UPK2: variants seen among roughly 807,000 people sequenced by gnomAD.
UPK2 encodes the protein uroplakin-2.
Under a neutral mutation model 14.8 loss-of-function variants are expected in UPK2, and 19 were observed. The observed-to-expected ratio is 1.29, with a 90% confidence interval of 0.90 to 1.89. The LOEUF (loss-of-function observed/expected upper bound fraction) is 1.89. UPK2 is among the 40% of genes most tolerant of loss of function. The pLI, the probability that UPK2 is intolerant of heterozygous loss-of-function variation, is 0.00. For synonymous variants in UPK2, 102 were observed against 101.6 expected (o/e 1.00, Z -0.02); for missense variants, 232 against 236.0 (o/e 0.98, Z 0.11).
chr11:118,957,442 T>G (rs936117947), intron 3 of UPK2, 96 bp downstream of exon 3: 2 of 1,561,720 alleles, frequency 1.3e-6, no homozygotes, highest in Non-Finnish European at 1.7e-6. Flanking sequence ...GAGGAGAGGG[T>G]GAGGGCACAG....
rs772536525 is a variant in UPK2, at chr11:118,957,383, G to A, written c.347+37G>A. The A allele has an allele frequency of 1.9e-6, 3 of 1,609,120 alleles. No homozygotes were observed. The Admixed American group carries it at 5.1e-5, about 27-fold the overall frequency. ...GTCCAGCCTGAGGCACCTAGGGAAG[G>A]GGGTGCAGGAAGAGAGAGAAGCTAG... On this transcript the variant is annotated intron_variant, in intron 3 of 4. Transcript: ENST00000264031.
rs1485928263 is a variant in UPK2 at position 118,956,928 on chromosome 11, C to T, written c.122C>T (p.Thr41Met). ...SLSGLLSPAL[T>M]ESLLVALPPC... is the part of the protein sequence containing the mutation. ...TCTGGTCTGCTGTCCCCGGCGCTAACGGAGAGCCTGCTGGTTGCCTTGCCC... is the reference window on the plus strand; with the variant it reads ...TCTGGTCTGCTGTCCCCGGCGCTAATGGAGAGCCTGCTGGTTGCCTTGCCC... Residue 41 changes from threonine to methionine, a missense_variant, in exon 2 of 5, where the codon ACG (threonine) becomes ATG (methionine). Thr to Met is a moderately conservative substitution (Grantham distance 81, BLOSUM62 -1). Coordinates refer to ENST00000264031, the MANE Select transcript of UPK2 (RefSeq NM_006760.4). This position sits in a 1 kb window ranked among gnomAD's most constrained non-coding sequence, Gnocchi z 4.1. The T allele has an allele frequency of 3.0e-5, 49 of 1,614,024 alleles. No homozygotes were observed. The highest frequency in any genetic ancestry group is 3.8e-5 in the Non-Finnish European group (45 of 1,180,012).
rs113280367 is a variant in UPK2, at chr11:118,958,196, G to C, written c.518G>C (p.Gly173Ala). The C allele has an allele frequency of 6.2e-6, 10 of 1,613,936 alleles. No homozygotes were observed. In the African/African-American group the frequency reaches 8.0e-5, roughly 13 times the overall value. ...GTCGCCATGTTCCTGCTGGTGCTGG[G>C]CTTCATCATTGCCCTGGCACTGGGC... ...LSVAMFLLVL[G>A]FIIALALGSR... Residue 173 changes from glycine (G) to alanine (A), a missense_variant, in exon 5 of 5, where the codon GGC becomes GCC. Coordinates refer to ENST00000264031, the MANE Select transcript of UPK2 (RefSeq NM_006760.4). The surrounding 1 kb of genome is among the most constrained non-coding windows in gnomAD (Gnocchi z 4.6).
chr11:118,958,302 CT>C lies in UPK2; in HGVS notation c.*70del. 6.6e-7 allele frequency: 1 copy of C among 1,518,916 alleles called. No individual in the cohort carries two copies. Among genetic ancestry groups the C allele is most frequent in the Admixed American group, 2.0e-5 (1 of 49,824 alleles). 94.1% of individuals were successfully genotyped at this position (1,518,916 alleles called of 1,614,324 possible). On this transcript the variant is annotated 3_prime_UTR_variant, in exon 5 of 5. Transcript: ENST00000264031. The surrounding 1 kb of genome is among the most constrained non-coding windows in gnomAD (Gnocchi z 4.6). ...ACCATCCAGCTCCCCAGCCCACCTG[CT>C]CCCAGGCCCCAGGCCTGTGGCTCCC...
chr11:118,957,781 G>A (rs1293581430), intron 4 of UPK2, 113 bp downstream of exon 4: 48 of 1,258,682 alleles, frequency 3.8e-5, no homozygotes, highest in Non-Finnish European at 5.3e-5. Flanking sequence ...CGCCCTCGGG[G>A]CCCCTGCTTA....
rs1310885195 is a variant in UPK2 at position 118,956,907 on chromosome 11, GTCTGCTGT to G, written c.102_109del (p.Leu35ProfsTer30). ...GACTTCAACATCTCAAGCCTCTCTGGTCTGCTGTCCCCGGCGCTAACGGAGAGCCTGCT... is the reference window on the plus strand; with the variant it reads ...GACTTCAACATCTCAAGCCTCTCTGGCCCCGGCGCTAACGGAGAGCCTGCT... On this transcript the variant is annotated frameshift_variant, in exon 2 of 5. Transcript: ENST00000264031. LOFTEE classifies it high-confidence loss of function. This position sits in a 1 kb window ranked among gnomAD's most constrained non-coding sequence, Gnocchi z 4.1. The G allele has an allele frequency of 4.5e-5, 72 of 1,613,912 alleles. No homozygotes were observed. Among genetic ancestry groups the G allele is most frequent in the Non-Finnish European group, 5.9e-5 (70 of 1,180,014 alleles).
rs3886020 is a variant in UPK2, at chr11:118,956,945, G to T, written c.139G>T (p.Ala47Ser). 10,622 of 1,613,974 alleles carry T rather than the reference G, an allele frequency of 6.6e-3. 535 individuals are homozygous for T. In the African/African-American group the frequency reaches 0.12, roughly 18 times the overall value. ...GGCGCTAACGGAGAGCCTGCTGGTTGCCTTGCCCCCCTGTCACCTCACAGG... is the reference window on the plus strand; with the variant it reads ...GGCGCTAACGGAGAGCCTGCTGGTTTCCTTGCCCCCCTGTCACCTCACAGG... ...SPALTESLLV[A>S]LPPCHLTGGN... The change falls in exon 2 of 5, where the codon GCC becomes TCC. Residue 47 changes from alanine to serine, a missense_variant. Transcript: ENST00000264031. This position sits in a 1 kb window ranked among gnomAD's most constrained non-coding sequence, Gnocchi z 4.1.
chr11:118,957,493 T>C, intron 3 of UPK2, 105 bp from the exon 4 acceptor site: 1 of 1,542,000 alleles, frequency 6.5e-7, no homozygotes, highest in East Asian at 2.3e-5. Context: ...GGAGTGCACA[T>C]AGGGGAGACA....
At position 118,958,062 on chromosome 11, in the gene UPK2, T is replaced by C. The variant is rs777243124; in HGVS notation, c.419-35T>C. On this transcript the variant is annotated intron_variant, in intron 4 of 4. Transcript: ENST00000264031. The surrounding 1 kb of genome is among the most constrained non-coding windows in gnomAD (Gnocchi z 4.6). ...GAGCCTCAGGCAGGCTGGGGGTCTC[T>C]CCCGCCCACAGTGGTCTCCCCTCTC... is the stretch of plus-strand genomic sequence containing the variant. 3.0e-5 allele frequency: 47 copies of C among 1,590,284 alleles called. No homozygotes were observed. The highest frequency in any genetic ancestry group is 3.9e-5 in the Non-Finnish European group (46 of 1,164,618).
intron 3 of UPK2, 21 bp downstream of exon 3, chr11:118,957,367 G>A: frequency 1.2e-6 from 2 of 1,612,210 alleles, no homozygotes; most frequent in Non-Finnish European, 1.7e-6. Context: ...GGTCCAGCCT[G>A]AGGCACCTAG....
rs1400435502 is a variant in UPK2, at chr11:118,956,488, C to A, written c.76+62C>A. The A allele has an allele frequency of 2.1e-6, 3 of 1,407,932 alleles. No homozygotes were observed. Among genetic ancestry groups the A allele is most frequent in the East Asian group, 2.3e-5 (1 of 42,660 alleles). The allele number at this position is 1,407,932 out of a possible 1,614,324, so 87.2% of individuals were successfully genotyped here. ...GGGGGCCTGGACAGGGAGCACTGTACCTTCCAGGGCTCTCAAAGAGAGGTC... is the reference window on the plus strand; with the variant it reads ...GGGGGCCTGGACAGGGAGCACTGTAACTTCCAGGGCTCTCAAAGAGAGGTC... On this transcript the variant is annotated intron_variant, in intron 1 of 4. Transcript: ENST00000264031. The surrounding 1 kb of genome is among the most constrained non-coding windows in gnomAD (Gnocchi z 4.1).
At position 118,957,635 on chromosome 11, in the gene UPK2, T is replaced by C. The variant is rs1281306625; in HGVS notation, c.385T>C (p.Ser129Pro). Residue 129 changes from serine to proline, a missense_variant, in exon 4 of 5, where the codon TCC (serine) becomes CCC (proline). Transcript: ENST00000264031. Reference sequence around the variant, plus strand: ...AGTGAAGAAGGGGACAGCCACTGAGTCCAGCAGAGAGATCCCAATGTCCAC... The same window carrying C: ...AGTGAAGAAGGGGACAGCCACTGAGCCCAGCAGAGAGATCCCAATGTCCAC... ...YLVKKGTATESSREIPMSTLP... is the reference protein window; with the variant it reads ...YLVKKGTATEPSREIPMSTLP... 1 of 1,613,930 alleles carries C rather than the reference T, an allele frequency of 6.2e-7. No homozygotes were observed. Among genetic ancestry groups the C allele is most frequent in the Admixed American group, 1.7e-5 (1 of 59,990 alleles).
At chr11:118,957,719 C>T in intron 4 of UPK2, 51 bp downstream of exon 4, 2 of 1,604,670 alleles carry the variant, frequency 1.2e-6, no homozygotes, top group South Asian at 2.2e-5. Flanking sequence ...ACAAACGCTT[C>T]CCTGACCATT....
chr11:118,957,349 A>T lies in UPK2; in HGVS notation c.347+3A>T, dbSNP rs1565640881. On this transcript the variant is annotated splice_donor_region_variant and intron_variant, in intron 3 of 4. Transcript: ENST00000264031. ...CTCGTGCCAGGAACCAAATTCTAGT[A>T]GGTACTGGGTCCAGCCTGAGGCACC... The T allele has an allele frequency of 6.2e-7, 1 of 1,613,744 alleles. No individual in the cohort carries two copies. Among genetic ancestry groups the T allele is most frequent in the East Asian group, 2.2e-5 (1 of 44,874 alleles).
At chr11:118,957,452 G>C in intron 3 of UPK2, 106 bp downstream of exon 3, 1 of 1,550,200 alleles carries the variant, frequency 6.5e-7, no homozygotes, top group Non-Finnish European at 8.8e-7. Flanking sequence ...TGAGGGCACA[G>C]CAAAAGGGGG....
At position 118,956,705 on chromosome 11, in the gene UPK2, G is replaced by A. The variant is rs981151267; in HGVS notation, c.77-178G>A. On this transcript the variant is annotated intron_variant, in intron 1 of 4. Coordinates refer to ENST00000264031, the MANE Select transcript of UPK2 (RefSeq NM_006760.4). The surrounding 1 kb of genome is among the most constrained non-coding windows in gnomAD (Gnocchi z 4.1). ...AGGTTCTGGCTCTGGGGACCGCTTG[G>A]TGGAGGGTGCAGCTTCTGCAGCCCA... is the stretch of plus-strand genomic sequence containing the variant. Among the ~76,000 whole-genome samples, 1 of 152,174 alleles carries A rather than the reference G, an allele frequency of 6.6e-6. No homozygotes were observed. The highest frequency in any genetic ancestry group is 1.5e-5 in the Non-Finnish European group (1 of 68,028).
intron 4 of UPK2, 85 bp downstream of exon 4, chr11:118,957,753 T>G (rs1482353556): frequency 3.9e-6 from 6 of 1,537,550 alleles, no homozygotes; most frequent in Non-Finnish European, 4.5e-6. Context: ...CAGTCTGGGT[T>G]GCCTGTGCCT....
intron 4 of UPK2, 128 bp from the exon 5 acceptor site, chr11:118,957,961 TTGGTTGGC>T (rs1182898062): frequency 7.8e-7 from 1 of 1,289,326 alleles, no homozygotes; most frequent in Non-Finnish European, 1.1e-6. Context: ...GGTTGGTTGG[TTGGTTGGC>T]TGGCTGGCTG....
chr11:118,957,816 G>C, intron 4 of UPK2, 148 bp downstream of exon 4: 1 of 958,682 alleles, frequency 1.0e-6, no homozygotes, highest in Non-Finnish European at 1.6e-6. Flanking sequence ...CGGAACCTTC[G>C]GCATGGCTAC....
Sources: gnomAD v4.1 joint callset for allele counts (sites outside exome capture counted in the v4.1 genomes callset) on GRCh38, gnomAD v4.1.1 for gene constraint, Gnocchi (gnomAD v3.1) non-coding constraint, MANE v1.5 for transcripts, NCBI Gene and HGNC (gene_info 2026-07-23, HGNC 2026-07-21) for gene names.